Variants in TAP2 observed in about 807,000 individuals in gnomAD.
TAP2 encodes transporter 2, ATP binding cassette subfamily B member.
Under a neutral mutation model 74.7 loss-of-function variants are expected in TAP2, and 49 were observed. The observed-to-expected ratio is 0.66, with a 90% CI of 0.52 to 0.83. The LOEUF (loss-of-function observed/expected upper bound fraction) is 0.83. Among genes scored for constraint, TAP2 ranks in the 40% least tolerant of loss-of-function variants. TAP2 has a pLI of 0.00. For missense variants in TAP2, 739 were observed against 859.0 expected, an observed-to-expected ratio of 0.86 and a Z score of 1.75; for synonymous variants, 306 against 368.4, an observed-to-expected ratio of 0.83 and a Z score of 1.94.
chr6:32,828,675 G>GCGCCGC lies in TAP2; in HGVS notation c.*230_*231insGCGGCG. ...GAATTAAGTTTCCTGGACACAGACA[G>GCGCCGC]CCCCCACCCCACCCCACCCCACCTC... On this transcript the variant is annotated 3_prime_UTR_variant, in exon 12 of 12. Coordinates refer to ENST00000374897, the MANE Select transcript of TAP2 (RefSeq NM_001290043.2). The GCGCCGC allele has an allele frequency of 1.1e-6, 1 of 884,284 alleles. No homozygotes were observed. Among genetic ancestry groups the GCGCCGC allele is most frequent in the Non-Finnish European group, 1.4e-6 (1 of 735,244 alleles). 54.8% of individuals were successfully genotyped at this position (884,284 alleles called of 1,614,324 possible).
In TAP2 at chr6:32,835,757, A is replaced by G; in HGVS notation, c.625T>C (p.Cys209Arg). 6.2e-7 allele frequency: 1 copy of G among 1,613,178 alleles called. No homozygotes were observed. Among genetic ancestry groups the G allele is most frequent in the Non-Finnish European group, 8.5e-7 (1 of 1,180,030 alleles). Residue 209 changes from cysteine to arginine, a missense_variant, in exon 4 of 12, where the codon TGC becomes CGC. Cys to Arg is a radical substitution (Grantham distance 180). Coordinates refer to ENST00000374897, the MANE Select transcript of TAP2 (RefSeq NM_001290043.2). This position sits in a 1 kb window ranked among gnomAD's most constrained non-coding sequence, Gnocchi z 4.0. ...FSFGSSLSAG[C>R]RGGCFTYTMS... ...GTGTAGGTGAAGCAGCCTCCTCGGCAGCCTGCAGACAGTGAGCTGTGGGGT... is the reference window on the plus strand; with the variant it reads ...GTGTAGGTGAAGCAGCCTCCTCGGCGGCCTGCAGACAGTGAGCTGTGGGGT...
intron 3 of TAP2, 75 bp downstream of exon 3, chr6:32,837,462 G>T: frequency 7.9e-7 from 1 of 1,270,708 alleles, no homozygotes; most frequent in Non-Finnish European, 1.1e-6. Flanking sequence ...AAAGGGCCTA[G>T]AAATGGAGTT....
downstream of TAP2, chr6:32,822,256 A>G: frequency 6.7e-7 from 1 of 1,494,244 alleles, no homozygotes; most frequent in Non-Finnish European, 9.2e-7. Flanking sequence ...CGTTCATTTG[A>G]ACTCATTATT....
At chr6:32,837,320 T>C (rs1769481029) in intron 3 of TAP2, among the ~76,000 whole-genome samples, 1 of 152,246 alleles carries the variant, frequency 6.6e-6, no homozygotes, top group Non-Finnish European at 1.5e-5. Flanking sequence ...AACTTGTTCC[T>C]ATAATAAGAT....
chr6:32,835,067 C>T lies in TAP2; in HGVS notation c.945+87G>A. The T allele has an allele frequency of 7.2e-7, 1 of 1,379,504 alleles. No homozygotes were observed. The highest frequency in any genetic ancestry group is 1.4e-5 in the African/African-American group (1 of 70,052). 85.5% of individuals were successfully genotyped at this position (1,379,504 alleles called of 1,614,324 possible). A position where few individuals can be genotyped will look rare whatever the true frequency, so the allele number is the denominator to read the frequency against. ...ATGGCTGAGAAGAGAACATCTCTCT[C>T]TAGGGGATCCTCTAGCCACAAATGT... On this transcript the variant is annotated intron_variant, in intron 5 of 11. Coordinates refer to ENST00000374897, the MANE Select transcript of TAP2 (RefSeq NM_001290043.2). The surrounding 1 kb of genome is among the most constrained non-coding windows in gnomAD (Gnocchi z 4.0).
rs1768639181 is a variant in TAP2 at position 32,826,196 on chromosome 6, T to C, written c.*2710A>G. Reference sequence around the variant, plus strand: ...TTTCCTGCTTGTTTCACAATTGCCATGTGGATTACAAGTGGCTATCCCTGG... The same window carrying C: ...TTTCCTGCTTGTTTCACAATTGCCACGTGGATTACAAGTGGCTATCCCTGG... On this transcript the variant is annotated 3_prime_UTR_variant, in exon 12 of 12. Coordinates refer to ENST00000374897, the MANE Select transcript of TAP2 (RefSeq NM_001290043.2). 2 of 985,410 alleles carry C rather than the reference T, an allele frequency of 2.0e-6. No homozygotes were observed. Among genetic ancestry groups the C allele is most frequent in the Non-Finnish European group, 1.2e-6 (1 of 829,930 alleles). 61.0% of individuals were successfully genotyped at this position (985,410 alleles called of 1,614,324 possible). A position where few individuals can be genotyped will look rare whatever the true frequency, so the allele number is the denominator to read the frequency against.
At chr6:32,824,367 T>A (rs1768500365), downstream of TAP2, among the ~76,000 whole-genome samples, 1 of 152,170 alleles carries the variant, frequency 6.6e-6, no homozygotes, top group African/African-American at 2.4e-5. Flanking sequence ...TCTGTTAGTG[T>A]TTGCTTTGTG....
chr6:32,838,205 G>A lies in TAP2; in HGVS notation c.29C>T (p.Thr10Ile). 6.3e-7 allele frequency: 1 copy of A among 1,587,240 alleles called. No homozygotes were observed. Among genetic ancestry groups the A allele is most frequent in the Admixed American group, 1.8e-5 (1 of 57,000 alleles). The change falls in exon 2 of 12, where the codon ACC becomes ATC. Residue 10 changes from threonine (T) to isoleucine (I), a missense_variant. Physicochemically the swap from Thr to Ile is moderately conservative, Grantham distance 89. Coordinates refer to ENST00000374897, the MANE Select transcript of TAP2 (RefSeq NM_001290043.2). MRLPDLRPW[T>I]SLLLVDAALL... Reference sequence around the variant, plus strand: ...AGCCGCGTCCACCAGCAGCAGGGAGGTCCAGGGTCTCAGGTCAGGGAGCCG... The same window carrying A: ...AGCCGCGTCCACCAGCAGCAGGGAGATCCAGGGTCTCAGGTCAGGGAGCCG...
Position 32,826,043 on chromosome 6 carries a change from T to A in TAP2, c.*2863A>T. The A allele has an allele frequency of 1.0e-6, 1 of 985,452 alleles. No homozygotes were observed. 61.0% of individuals were successfully genotyped at this position (985,452 alleles called of 1,614,324 possible). A position where few individuals can be genotyped will look rare whatever the true frequency, so the allele number is the denominator to read the frequency against. On this transcript the variant is annotated 3_prime_UTR_variant, in exon 12 of 12. Transcript: ENST00000374897. Reference sequence around the variant, plus strand: ...AACTCTAGGTTCAAAACCCAGTTTCTTCTGGGACCATTAGATGGCATCAGA... The same window carrying A: ...AACTCTAGGTTCAAAACCCAGTTTCATCTGGGACCATTAGATGGCATCAGA...
Position 32,830,762 on chromosome 6 carries a change from A to G in TAP2, c.1317T>C (p.Ala439=), listed in dbSNP as rs1769024221. ...CCATGTAGGAGAAAACCTTCTCTGC[A>G]GCTCCCACGTTGCTGAGCATATCCC... is the stretch of plus-strand genomic sequence containing the variant. ...IYGDMLSNVG[A]AEKVFSYMDR... Residue 439 remains alanine (A), a synonymous_variant, in exon 8 of 12, where the codon GCT becomes GCC. Coordinates refer to ENST00000374897, the MANE Select transcript of TAP2 (RefSeq NM_001290043.2). 5 of 1,612,796 alleles carry G rather than the reference A, an allele frequency of 3.1e-6. No individual in the cohort carries two copies. The highest frequency in any genetic ancestry group is 2.2e-5 in the East Asian group (1 of 44,876).
Position 32,830,079 on chromosome 6 carries a change from A to C in TAP2, c.1646T>G (p.Val549Gly). 1 of 1,613,062 alleles carries C rather than the reference A, an allele frequency of 6.2e-7. No homozygotes were observed. The highest frequency in any genetic ancestry group is 8.5e-7 in the Non-Finnish European group (1 of 1,180,030). The change falls in exon 10 of 12, where the codon GTT (valine) becomes GGT (glycine). Residue 549 changes from valine to glycine, a missense_variant. Coordinates refer to ENST00000374897, the MANE Select transcript of TAP2 (RefSeq NM_001290043.2). The stretch of plus-strand genomic sequence containing the variant: ...GGAGAACAGCACAGGCTCCTGCCCA[A>C]CTGAAACCACCTGTGCAGCAGGGAC... ...HCYLHSQVVS[V>G]GQEPVLFSGS...
intron 5 of TAP2, among the ~76,000 whole-genome samples, chr6:32,833,938 T>C (rs1048923895): frequency 2.0e-5 from 3 of 147,784 alleles, no homozygotes; most frequent in South Asian, 2.2e-4. Context: ...TCTGCTGCCA[T>C]GTGAAATGTG....
At position 32,829,028 on chromosome 6, in the gene TAP2, C is replaced by T. The variant is rs778176728; in HGVS notation, c.1939G>A (p.Asp647Asn). The change falls in exon 12 of 12, where the codon GAC (aspartate) becomes AAC (asparagine). Residue 647 changes from aspartate to asparagine, a missense_variant. Coordinates refer to ENST00000374897, the MANE Select transcript of TAP2 (RefSeq NM_001290043.2). ...GTGCGATCCCCACGGGAATTCCAGT[C>T]CTGCAGCTGAAGGGGTGATCACAGT... ...LDVQCEQALQDWNSRGDRTVL... is the reference protein window; with the variant it reads ...LDVQCEQALQNWNSRGDRTVL... 6.5e-7 allele frequency: 1 copy of T among 1,548,196 alleles called. No individual in the cohort carries two copies. Among genetic ancestry groups the T allele is most frequent in the Admixed American group, 1.9e-5 (1 of 51,314 alleles).
chr6:32,825,943 G>C lies in TAP2; in HGVS notation c.*2963C>G, dbSNP rs916627340. Reference sequence around the variant, plus strand: ...GTAAGAAGACAGGTTTCAGATACTTGGCACAGCAATAGCACATAGTAAGCA... The same window carrying C: ...GTAAGAAGACAGGTTTCAGATACTTCGCACAGCAATAGCACATAGTAAGCA... On this transcript the variant is annotated 3_prime_UTR_variant, in exon 12 of 12. Transcript: ENST00000374897. 5.2e-6 allele frequency: 5 copies of C among 957,950 alleles called. No homozygotes were observed. Among genetic ancestry groups the C allele is most frequent in the Non-Finnish European group, 6.2e-6 (5 of 805,190 alleles). 59.3% of individuals were successfully genotyped at this position (957,950 alleles called of 1,614,324 possible).
Position 32,830,051 on chromosome 6 carries a change from A to C in TAP2, c.1674T>G (p.Gly558=). The C allele has an allele frequency of 6.2e-7, 1 of 1,613,068 alleles. No individual in the cohort carries two copies. The highest frequency in any genetic ancestry group is 1.1e-5 in the South Asian group (1 of 91,088). The change falls in exon 10 of 12, where the codon GGT becomes GGG. Residue 558 remains glycine (G), a synonymous_variant. Transcript: ENST00000374897. Reference sequence around the variant, plus strand: ...CATAAGCAATGTTGTTCCTCACAGAACCGGAGAACAGCACAGGCTCCTGCC... The same window carrying C: ...CATAAGCAATGTTGTTCCTCACAGACCCGGAGAACAGCACAGGCTCCTGCC... The part of the protein sequence containing the change: ...SVGQEPVLFS[G]SVRNNIAYGL...
At position 32,837,978 on chromosome 6, in the gene TAP2, C is replaced by G. The variant is rs1769537030; in HGVS notation, c.256G>C (p.Ala86Pro). 1 of 1,612,610 alleles carries G rather than the reference C, an allele frequency of 6.2e-7. No homozygotes were observed. Among genetic ancestry groups the G allele is most frequent in the East Asian group, 2.2e-5 (1 of 44,862 alleles). ...TVSLRALVAGASRAPPARVAS... is the reference protein window; with the variant it reads ...TVSLRALVAGPSRAPPARVAS... Reference sequence around the variant, plus strand: ...ACTCTGGCTGGGGGAGCACGTGAGGCCCCCGCGACCAGGGCTCTCAGGGAG... The same window carrying G: ...ACTCTGGCTGGGGGAGCACGTGAGGGCCCCGCGACCAGGGCTCTCAGGGAG... Residue 86 changes from alanine to proline, a missense_variant, in exon 2 of 12, where the codon GCC becomes CCC. Ala to Pro is a conservative substitution (Grantham distance 27). Transcript: ENST00000374897.
chr6:32,835,372 G>T lies in TAP2; in HGVS notation c.740-13C>A, dbSNP rs750773202. ...GAGTTCAGCTCCCCTAAGAAGGACA[G>T]AGCAGGTGAGGAAAAAGGAAACCAT... On this transcript the variant is annotated splice_polypyrimidine_tract_variant and intron_variant, in intron 4 of 11. Transcript: ENST00000374897. The surrounding 1 kb of genome is among the most constrained non-coding windows in gnomAD (Gnocchi z 4.0). 6.2e-7 allele frequency: 1 copy of T among 1,613,030 alleles called. No individual in the cohort carries two copies. Among genetic ancestry groups the T allele is most frequent in the South Asian group, 1.1e-5 (1 of 91,084 alleles).
chr6:32,829,401 G>A lies in TAP2; in HGVS notation c.1931C>T (p.Ala644Val), dbSNP rs1768892875. The change falls in exon 11 of 12, where the codon GCC becomes GTC. Residue 644 changes from alanine (A) to valine (V), a missense_variant and splice_region_variant. By Grantham distance (64) the Ala-to-Val change is moderately conservative. Transcript: ENST00000374897. ...CCCCTGCCCTCTCACGGTACTCACG[G>A]CCTGCTCGCACTGCACATCTAGGGC... ...TSALDVQCEQ[A>V]LQDWNSRGDR... 3.8e-5 allele frequency: 60 copies of A among 1,595,440 alleles called. No homozygotes were observed. Among genetic ancestry groups the A allele is most frequent in the Non-Finnish European group, 5.1e-5 (60 of 1,170,438 alleles).
At position 32,827,805 on chromosome 6, in the gene TAP2, C is replaced by T. The variant is rs1768757273; in HGVS notation, c.*1101G>A. 9.2e-6 allele frequency: 8 copies of T among 866,832 alleles called. 2 individuals carry two copies. Among genetic ancestry groups the T allele is most frequent in the African/African-American group, 2.2e-5 (1 of 45,520 alleles). 53.7% of individuals were successfully genotyped at this position (866,832 alleles called of 1,614,324 possible). On this transcript the variant is annotated 3_prime_UTR_variant, in exon 12 of 12. Coordinates refer to ENST00000374897, the MANE Select transcript of TAP2 (RefSeq NM_001290043.2). The stretch of plus-strand genomic sequence containing the variant: ...AAGGAATTTCCAGAAATGCCATCAT[C>T]GTATGTGACACAGAATTTAGAAAAA...
Sources: allele counts gnomAD v4.1 joint callset (sites outside exome capture counted in the v4.1 genomes callset), GRCh38; gene constraint gnomAD v4.1.1; non-coding constraint Gnocchi (gnomAD v3.1); transcripts MANE v1.5; gene names NCBI Gene and HGNC (gene_info 2026-07-23, HGNC 2026-07-21).